EXOC4: variants seen among roughly 807,000 people sequenced by gnomAD.
EXOC4 encodes the protein SEC8-like 1.
In EXOC4, 71 loss-of-function variants were observed where a neutral mutation model predicts 107.2. The observed-to-expected ratio is 0.66, with a 90% CI of 0.55 to 0.81. The LOEUF is 0.81. Ranked by LOEUF, EXOC4 falls within the 30% of genes least tolerant of loss-of-function variation. The probability of loss-of-function intolerance (pLI) is 0.00; values close to 1 mark genes in which losing one functional copy is unlikely to be tolerated. For synonymous variants in EXOC4, 456 were observed against 441.2 expected (o/e 1.03, Z -0.42); for missense variants, 1,108 against 1,189.6 (o/e 0.93, Z 1.01).
intron 10 of EXOC4, among the ~76,000 whole-genome samples, chr7:133,792,222 G>A (rs1431348985): frequency 2.0e-5 from 3 of 152,008 alleles, no homozygotes; most frequent in Admixed American, 2.0e-4. Flanking sequence ...TTTCACATTT[G>A]CTTCTACTCC....
At chr7:133,346,821 C>T (rs948089779) in intron 5 of EXOC4, among the ~76,000 whole-genome samples, 8 of 152,012 alleles carry the variant, frequency 5.3e-5, no homozygotes, top group African/African-American at 1.7e-4. Context: ...GTGTATCATG[C>T]GTAGTATAAG....
At chr7:133,550,055 A>G (rs1056640403) in intron 9 of EXOC4, among the ~76,000 whole-genome samples, 6 of 152,126 alleles carry the variant, frequency 3.9e-5, no homozygotes, top group African/African-American at 1.4e-4. Flanking sequence ...ATCTTCTCTA[A>G]AGTATATTTT....
chr7:133,852,311 C>T (rs1395897117), intron 11 of EXOC4, among the ~76,000 whole-genome samples: 1 of 151,798 alleles, frequency 6.6e-6, no homozygotes, highest in Non-Finnish European at 1.5e-5. Flanking sequence ...CAACCTCTGC[C>T]TCCCGGGTTC....
chr7:133,627,636 T>C (rs1053816248), intron 9 of EXOC4, among the ~76,000 whole-genome samples: 3 of 152,212 alleles, frequency 2.0e-5, no homozygotes, highest in African/African-American at 4.8e-5. Context: ...TTTATCATTT[T>C]TGTAACCGTA....
intron 7 of EXOC4, 116 bp downstream of exon 7, chr7:133,375,118 A>G: frequency 1.3e-6 from 1 of 791,754 alleles, no homozygotes. Flanking sequence ...AAACAGGGTG[A>G]GAAAGTAATG....
At chr7:133,265,419 A>T (rs2881034) in intron 1 of EXOC4, among the ~76,000 whole-genome samples, 98,114 of 151,216 alleles carry the variant, frequency 0.65, 33,543 homozygotes, top group African/African-American at 0.87. Flanking sequence ...AAAAAAAAAA[A>T]TTCACTGGAA....
At chr7:133,645,392 C>G (rs1399232157) in intron 10 of EXOC4, among the ~76,000 whole-genome samples, 1 of 151,810 alleles carries the variant, frequency 6.6e-6, no homozygotes, top group Non-Finnish European at 1.5e-5. Context: ...ACACCTGGCC[C>G]TCTATCACCT....
At chr7:133,498,563 C>T (rs778474824) in intron 9 of EXOC4, among the ~76,000 whole-genome samples, 2 of 152,032 alleles carry the variant, frequency 1.3e-5, no homozygotes, top group Non-Finnish European at 2.9e-5. Flanking sequence ...CCAGCCTAGG[C>T]GACAGAGCGA....
chr7:133,838,036 G>A (rs755188460), intron 11 of EXOC4, among the ~76,000 whole-genome samples: 5 of 152,098 alleles, frequency 3.3e-5, no homozygotes, highest in Admixed American at 2.0e-4. Context: ...GAGATTTAGA[G>A]TGGATTTTAT....
At chr7:133,396,066 C>T (rs1357038888) in intron 7 of EXOC4, 1 of 152,116 alleles carries the variant, frequency 6.6e-6, no homozygotes, top group African/African-American at 2.4e-5. Context: ...GGTTCCCAGA[C>T]CAGCAGCATC....
intron 14 of EXOC4, among the ~76,000 whole-genome samples, chr7:133,966,834 G>A (rs190150888): frequency 6.6e-6 from 1 of 152,324 alleles, no homozygotes. Flanking sequence ...GATGATGCTG[G>A]CCTCATAAAA....
chr7:133,349,051 C>G (rs1366904071), intron 5 of EXOC4, among the ~76,000 whole-genome samples: 1 of 151,812 alleles, frequency 6.6e-6, no homozygotes, highest in East Asian at 1.9e-4. Context: ...AAATAGAGGA[C>G]TTATTCTTAT....
intron 9 of EXOC4, among the ~76,000 whole-genome samples, chr7:133,498,413 G>A (rs1457168602): frequency 2.6e-5 from 4 of 152,166 alleles, no homozygotes; most frequent in Middle Eastern, 3.4e-3. Context: ...GTGAAACCCC[G>A]TCTCTACTAA....
the EXOC4 span, among the ~76,000 whole-genome samples, chr7:134,094,066 T>C: frequency 6.6e-6 from 1 of 151,830 alleles, no homozygotes; most frequent in Non-Finnish European, 1.5e-5. Flanking sequence ...AATAAATAAC[T>C]AAAATCAGAG....
intron 7 of EXOC4, among the ~76,000 whole-genome samples, chr7:133,446,975 G>A (rs1798235570): frequency 6.6e-6 from 1 of 152,180 alleles, no homozygotes; most frequent in South Asian, 2.1e-4. Context: ...TCTCTAGGCT[G>A]CAGTTTACAT....
chr7:133,349,239 A>G (rs1383906585), intron 5 of EXOC4, among the ~76,000 whole-genome samples: 11 of 152,106 alleles, frequency 7.2e-5, no homozygotes, highest in South Asian at 2.1e-4. Context: ...TTGTGCAACC[A>G]TCACCACCAT....
chr7:133,537,168 T>C (rs955730503), intron 9 of EXOC4, among the ~76,000 whole-genome samples: 5 of 151,952 alleles, frequency 3.3e-5, no homozygotes, highest in Non-Finnish European at 7.4e-5. Flanking sequence ...TTTTTTTCTT[T>C]GAGATGGAGT....
intron 10 of EXOC4, among the ~76,000 whole-genome samples, chr7:133,637,013 G>A (rs1296465639): frequency 6.6e-6 from 1 of 152,150 alleles, no homozygotes; most frequent in Non-Finnish European, 1.5e-5. Context: ...TCGCCATATT[G>A]CAGCAGTACA....
chr7:133,913,572 ACT>A (rs1164178781), intron 12 of EXOC4, among the ~76,000 whole-genome samples: 2 of 152,214 alleles, frequency 1.3e-5, no homozygotes, highest in Non-Finnish European at 2.9e-5. Context: ...AATTAGGATG[ACT>A]CTGCATTCCT....
Sources: allele counts gnomAD v4.1 joint callset (sites outside exome capture counted in the v4.1 genomes callset), GRCh38; gene constraint gnomAD v4.1.1; transcripts MANE v1.5; gene names NCBI Gene and HGNC (gene_info 2026-07-23, HGNC 2026-07-21).